Variants in ACVR1 observed in about 807,000 individuals in gnomAD.
The protein encoded by ACVR1 is activin receptor type-1.
A neutral mutation model predicts 57.1 loss-of-function variants in ACVR1; 38 were observed. That is an observed-to-expected ratio of 0.67 (90% CI 0.51 to 0.87). ACVR1 has a LOEUF of 0.87. ACVR1 is among the 40% of genes least tolerant of loss of function. The probability of loss-of-function intolerance (pLI) is 0.00; values close to 1 mark genes in which losing one functional copy is unlikely to be tolerated. For missense variants in ACVR1, 463 were observed against 638.2 expected (o/e 0.73, Z 2.96); for synonymous variants, 212 against 228.1 (o/e 0.93, Z 0.63).
intron 1 of ACVR1, among the ~76,000 whole-genome samples, chr2:157,871,844 T>C (rs1690123898): frequency 6.6e-6 from 1 of 152,198 alleles, no homozygotes; most frequent in African/African-American, 2.4e-5. Context: ...TTAGTTAATT[T>C]TGAGAGTGTG....
intron 2 of ACVR1, among the ~76,000 whole-genome samples, chr2:157,815,083 C>T (rs549954153): frequency 2.0e-5 from 3 of 151,706 alleles, no homozygotes; most frequent in African/African-American, 4.8e-5. Flanking sequence ...AGCAAGACTC[C>T]GTCTCAAAAA....
intron 6 of ACVR1, among the ~76,000 whole-genome samples, chr2:157,772,102 C>G (rs930975482): frequency 6.6e-6 from 1 of 152,192 alleles, no homozygotes; most frequent in Admixed American, 6.5e-5. Context: ...TTAAAGAAAA[C>G]AGAAGATGAA....
intron 3 of ACVR1, among the ~76,000 whole-genome samples, chr2:157,793,679 A>G (rs1443168270): frequency 6.6e-6 from 1 of 151,970 alleles, no homozygotes. Flanking sequence ...ATGTAATACT[A>G]AGAAGAAGAA....
chr2:157,800,382 C>T (rs1232654095), intron 2 of ACVR1, among the ~76,000 whole-genome samples: 7 of 152,226 alleles, frequency 4.6e-5, no homozygotes, highest in Non-Finnish European at 7.4e-5. Context: ...AATCCCAGTA[C>T]TTTCGGAGGC....
At chr2:157,846,210 T>C (rs998287333) in intron 1 of ACVR1, among the ~76,000 whole-genome samples, 6 of 152,002 alleles carry the variant, frequency 3.9e-5, no homozygotes, top group African/African-American at 1.5e-4. Flanking sequence ...GAAACAGAGA[T>C]GGAAAGAATG....
chr2:157,741,316 C>T (rs950226558), intron 9 of ACVR1, among the ~76,000 whole-genome samples: 15 of 151,950 alleles, frequency 9.9e-5, no homozygotes, highest in African/African-American at 2.7e-4. Flanking sequence ...TGGGTGTGCC[C>T]GAGGCTGTGC....
rs986830788 is a variant in ACVR1 at position 157,823,755 on chromosome 2, C to T, written c.-182-5196G>A. Among the ~76,000 whole-genome samples, 2 of 152,292 alleles carry T rather than the reference C, an allele frequency of 1.3e-5. 1 individual carries two copies. The highest frequency in any genetic ancestry group is 4.1e-4 in the South Asian group (2 of 4,820). Reference sequence around the variant, plus strand: ...GCCTACACTCCGTAACCTCGAAACCCTCAAGTGAAGTGGTTTGGTGGTCCA... The same window carrying T: ...GCCTACACTCCGTAACCTCGAAACCTTCAAGTGAAGTGGTTTGGTGGTCCA... On this transcript the variant is annotated intron_variant, in intron 1 of 10. Transcript: ENST00000434821.
chr2:157,790,485 G>C (rs1380225049), intron 3 of ACVR1, among the ~76,000 whole-genome samples: 1 of 152,172 alleles, frequency 6.6e-6, no homozygotes, highest in East Asian at 1.9e-4. Flanking sequence ...AGGAACAAAG[G>C]GCCAGCTAGA....
At chr2:157,860,770 C>CAA in intron 1 of ACVR1, among the ~76,000 whole-genome samples, 1 of 152,098 alleles carries the variant, frequency 6.6e-6, no homozygotes. Context: ...AAAAAAAATC[C>CAA]AATCTCCTTT....
At chr2:157,770,688 C>G (rs1401313571) in intron 6 of ACVR1, among the ~76,000 whole-genome samples, 174 bp from the exon 7 acceptor site, 1 of 151,776 alleles carries the variant, frequency 6.6e-6, no homozygotes, top group Non-Finnish European at 1.5e-5. Context: ...TTTTTTTGGC[C>G]TATAAAGACA....
intron 3 of ACVR1, among the ~76,000 whole-genome samples, chr2:157,787,208 G>A (rs1686744899): frequency 6.6e-6 from 1 of 152,188 alleles, no homozygotes; most frequent in Admixed American, 6.5e-5. Context: ...AATGACCTAA[G>A]ACGATATTCG....
Position 157,799,459 on chromosome 2 carries a change from A to G in ACVR1, c.35T>C (p.Ile12Thr). 6.2e-7 allele frequency: 1 copy of G among 1,612,840 alleles called. No individual in the cohort carries two copies. Among genetic ancestry groups the G allele is most frequent in the Admixed American group, 1.7e-5 (1 of 59,998 alleles). ...ACTAGGGGAGGGGAGAGCAATCATG[A>G]TAAGCACAGGAAGAATCATCACTCC... is the stretch of plus-strand genomic sequence containing the variant. ...VDGVMILPVL[I>T]MIALPSPSME... Residue 12 changes from isoleucine (I) to threonine (T), a missense_variant, in exon 3 of 11, where the codon ATC (isoleucine) becomes ACC (threonine). Ile to Thr is a moderately conservative substitution (Grantham distance 89). Transcript: ENST00000434821.
At chr2:157,848,882 C>T (rs1381855555) in intron 1 of ACVR1, among the ~76,000 whole-genome samples, 1 of 152,030 alleles carries the variant, frequency 6.6e-6, no homozygotes, top group Non-Finnish European at 1.5e-5. Flanking sequence ...CCAGCAAGCT[C>T]AAAGAAACAG....
intron 1 of ACVR1, among the ~76,000 whole-genome samples, chr2:157,819,699 T>C (rs1172785725): frequency 1.3e-5 from 2 of 151,868 alleles, no homozygotes; most frequent in Admixed American, 1.3e-4. Context: ...CAAAGGCTCA[T>C]AAAACAATGG....
At chr2:157,747,751 G>C (rs1685026863) in intron 9 of ACVR1, among the ~76,000 whole-genome samples, 1 of 151,226 alleles carries the variant, frequency 6.6e-6, no homozygotes, top group Non-Finnish European at 1.5e-5. Context: ...ACTGATTTGT[G>C]TGTGGGGGGG....
At chr2:157,847,900 T>C (rs1403753989) in intron 1 of ACVR1, among the ~76,000 whole-genome samples, 4 of 152,182 alleles carry the variant, frequency 2.6e-5, no homozygotes. Context: ...TGGTGAATAG[T>C]AGGATGTGGC....
intron 1 of ACVR1, among the ~76,000 whole-genome samples, chr2:157,869,749 A>G (rs922415570): frequency 1.3e-5 from 2 of 152,174 alleles, no homozygotes; most frequent in African/African-American, 2.4e-5. Flanking sequence ...CTTGCCACCT[A>G]TTGTTCACAA....
At chr2:157,787,892 T>C (rs961045232) in intron 3 of ACVR1, among the ~76,000 whole-genome samples, 1 of 152,182 alleles carries the variant, frequency 6.6e-6, no homozygotes, top group Non-Finnish European at 1.5e-5. Flanking sequence ...TCTTGCCTCC[T>C]ACTCTACCTC....
chr2:157,792,559 G>C (rs2105296864), intron 3 of ACVR1, among the ~76,000 whole-genome samples: 1 of 152,324 alleles, frequency 6.6e-6, no homozygotes, highest in Non-Finnish European at 1.5e-5. Flanking sequence ...TGTCACATGA[G>C]GGCAGTAGGA....
Sources: gnomAD v4.1 joint callset for allele counts (sites outside exome capture counted in the v4.1 genomes callset) on GRCh38, gnomAD v4.1.1 for gene constraint, MANE v1.5 for transcripts, NCBI Gene and HGNC (gene_info 2026-07-23, HGNC 2026-07-21) for gene names.